PLPP3: variants seen among roughly 807,000 people sequenced by gnomAD.
PLPP3 encodes the protein PAP2 beta.
PLPP3 carries 6 observed loss-of-function variants against 29.6 expected under a neutral mutation model. The observed-to-expected ratio is 0.20, with a 90% CI of 0.11 to 0.40. The LOEUF is 0.40. Among genes scored for constraint, PLPP3 ranks in the 10% least tolerant of loss-of-function variants. PLPP3 has a pLI of 1.00. For missense variants in PLPP3, 308 were observed against 407.7 expected, an observed-to-expected ratio of 0.76 and a Z score of 2.11; for synonymous variants, 152 against 159.7, an observed-to-expected ratio of 0.95 and a Z score of 0.36.
At chr1:56,564,193 C>T (rs956126678) in intron 1 of PLPP3, among the ~76,000 whole-genome samples, 2 of 152,224 alleles carry the variant, frequency 1.3e-5, no homozygotes, top group African/African-American at 4.8e-5. Context: ...TCTCTCTGCA[C>T]AACGACTGTC....
intron 2 of PLPP3, among the ~76,000 whole-genome samples, chr1:56,536,490 G>GGTCTCAAA (rs1048228488): frequency 2.8e-4 from 43 of 152,106 alleles, no homozygotes; most frequent in African/African-American, 1.0e-3. Flanking sequence ...AACAAAGAGG[G>GGTCTCAAA]GTCTCAAAGT....
At chr1:56,506,045 CAA>C (rs1553135549) in intron 5 of PLPP3, among the ~76,000 whole-genome samples, 1 of 152,114 alleles carries the variant, frequency 6.6e-6, no homozygotes, top group Non-Finnish European at 1.5e-5. Context: ...CATTACTGGG[CAA>C]AGAGCTAGAC....
chr1:56,555,362 C>T (rs1164867670), intron 1 of PLPP3, among the ~76,000 whole-genome samples: 2 of 144,322 alleles, frequency 1.4e-5, no homozygotes, highest in Non-Finnish European at 3.0e-5. Context: ...TCTGGCCTTC[C>T]CTAGTGCCTG....
At chr1:56,566,804 T>C (rs1297636645) in intron 1 of PLPP3, among the ~76,000 whole-genome samples, 1 of 152,234 alleles carries the variant, frequency 6.6e-6, no homozygotes, top group Non-Finnish European at 1.5e-5. Flanking sequence ...GATCAACTCA[T>C]TATTCAGGAT....
intron 4 of PLPP3, among the ~76,000 whole-genome samples, chr1:56,520,187 C>G (rs1041255785): frequency 2.6e-5 from 4 of 152,194 alleles, no homozygotes; most frequent in Admixed American, 2.6e-4. Context: ...GCAAAATAGA[C>G]ATGATCACTT....
In PLPP3 at chr1:56,512,086, A is replaced by G; in HGVS notation, c.700T>C (p.Leu234=). 1 of 1,613,342 alleles carries G rather than the reference A, an allele frequency of 6.2e-7. No individual in the cohort carries two copies. Among genetic ancestry groups the G allele is most frequent in the Non-Finnish European group, 8.5e-7 (1 of 1,179,716 alleles). Residue 234 remains leucine, a synonymous_variant, in exon 5 of 6, where the codon TTG becomes CTG. Coordinates refer to ENST00000371250, the MANE Select transcript of PLPP3 (RefSeq NM_003713.5). ...RLLRPLLQFT[L]IMMAFYTGLS... The stretch of plus-strand genomic sequence containing the variant: ...CCCGTGTAGAAGGCCATCATGATCA[A>G]GGTGAACTGCAGGAGGGGCCGGAGC...
At chr1:56,557,015 AG>A (rs1426855123) in intron 1 of PLPP3, among the ~76,000 whole-genome samples, 422 of 13,366 alleles carry the variant, frequency 0.032, 7 homozygotes, top group Non-Finnish European at 0.047. Context: ...AGAAAGAGAG[AG>A]AGAGAGAGAA....
Position 56,524,301 on chromosome 1 carries a change from T to C in PLPP3, c.551A>G (p.Asp184Gly). The C allele has an allele frequency of 3.7e-6, 6 of 1,613,854 alleles. No individual in the cohort carries two copies. The highest frequency in any genetic ancestry group is 5.1e-6 in the Non-Finnish European group (6 of 1,179,948). ...CCTGGCTTCCTGGACTTTGCTGTCA[T>C]CACCTCTGCATCTGTAGTTCTGAAT... ...GYIQNYRCRG[D>G]DSKVQEARKS... Residue 184 changes from aspartate (D) to glycine (G), a missense_variant, in exon 3 of 6, where the codon GAT (aspartate) becomes GGT (glycine). This residue lies in a region of PLPP3 where 232 missense variants were observed against 317.2 expected (regional missense o/e 0.73). Coordinates refer to ENST00000371250, the MANE Select transcript of PLPP3 (RefSeq NM_003713.5). This position sits in a 1 kb window ranked among gnomAD's most constrained non-coding sequence, Gnocchi z 4.3.
chr1:56,527,418 G>A (rs1645859368), intron 2 of PLPP3, among the ~76,000 whole-genome samples: 1 of 152,134 alleles, frequency 6.6e-6, no homozygotes, highest in Admixed American at 6.5e-5. Flanking sequence ...AGGATTTGAG[G>A]CCAGTAAGTG....
intron 4 of PLPP3, among the ~76,000 whole-genome samples, 193 bp downstream of exon 4, chr1:56,523,630 A>G (rs938055721): frequency 1.3e-5 from 2 of 152,184 alleles, no homozygotes; most frequent in African/African-American, 4.8e-5. Context: ...AAAATGGGGG[A>G]AAAAACTAGA....
chr1:56,575,922 ATTAC>A (rs1557519062), intron 1 of PLPP3, among the ~76,000 whole-genome samples: 1 of 152,212 alleles, frequency 6.6e-6, no homozygotes, highest in African/African-American at 2.4e-5. Context: ...GGTGATAAAT[ATTAC>A]TTAATTAAAA....
At chr1:56,500,527 A>T (rs1645660028) in intron 5 of PLPP3, among the ~76,000 whole-genome samples, 1 of 152,256 alleles carries the variant, frequency 6.6e-6, no homozygotes, top group South Asian at 2.1e-4. Flanking sequence ...AGTACAGCAC[A>T]TCCAGGAGCT....
chr1:56,565,947 A>G lies in PLPP3; in HGVS notation c.139+12931T>C, dbSNP rs567720086. 3.1e-3 allele frequency among the ~76,000 whole-genome samples: 470 copies of G among 152,330 alleles called. 3 individuals carry two copies. Among genetic ancestry groups the G allele is most frequent in the African/African-American group, 0.011 (454 of 41,568 alleles). Reference sequence around the variant, plus strand: ...TTATTTTTGCTAATCCAAGCACAAAAAGTGTCTCATCTCATCATTAGCAGA... The same window carrying G: ...TTATTTTTGCTAATCCAAGCACAAAGAGTGTCTCATCTCATCATTAGCAGA... On this transcript the variant is annotated intron_variant, in intron 1 of 5. Transcript: ENST00000371250.
chr1:56,522,837 G>A (rs1045185850), intron 4 of PLPP3, among the ~76,000 whole-genome samples: 4 of 152,142 alleles, frequency 2.6e-5, no homozygotes, highest in South Asian at 2.1e-4. Context: ...CTATCAAAGC[G>A]GCTGAAAGCA....
chr1:56,518,715 T>TATA (rs1645798825), intron 4 of PLPP3, among the ~76,000 whole-genome samples: 1 of 126,684 alleles, frequency 7.9e-6, no homozygotes, highest in African/African-American at 2.8e-5. Flanking sequence ...TTTTAATCAT[T>TATA]TATATATATA....
intron 5 of PLPP3, among the ~76,000 whole-genome samples, chr1:56,501,839 T>C (rs1213509234): frequency 6.6e-6 from 1 of 152,236 alleles, no homozygotes; most frequent in East Asian, 1.9e-4. Flanking sequence ...ATGTGAAATC[T>C]GACACATTCT....
chr1:56,507,018 C>T (rs1032190624), intron 5 of PLPP3, among the ~76,000 whole-genome samples: 3 of 152,168 alleles, frequency 2.0e-5, no homozygotes, highest in Admixed American at 2.0e-4. Flanking sequence ...TCTGTCTGTG[C>T]TGGCTTCCAT....
chr1:56,566,115 A>G (rs982609752), intron 1 of PLPP3, among the ~76,000 whole-genome samples: 5 of 152,328 alleles, frequency 3.3e-5, no homozygotes, highest in African/African-American at 9.6e-5. Context: ...GTATGCCTAG[A>G]TATTTCTGAA....
At chr1:56,552,013 C>T (rs1029704473) in intron 1 of PLPP3, among the ~76,000 whole-genome samples, 2 of 152,150 alleles carry the variant, frequency 1.3e-5, no homozygotes, top group Non-Finnish European at 2.9e-5. Context: ...CTCCATAGCC[C>T]CTTGCATCTG....
Sources: gnomAD v4.1 joint callset for allele counts (sites outside exome capture counted in the v4.1 genomes callset) on GRCh38, gnomAD v4.1.1 for gene constraint, gnomAD v4.1.1 regional missense constraint, Gnocchi (gnomAD v3.1) non-coding constraint, MANE v1.5 for transcripts, NCBI Gene and HGNC (gene_info 2026-07-23, HGNC 2026-07-21) for gene names.